Variants in FGF11 observed in about 807,000 individuals in gnomAD.
FGF11 encodes the protein fibroblast growth factor 11, also known as fibroblast growth factor homologous factor 3.
A neutral mutation model predicts 25.1 loss-of-function variants in FGF11; 25 were observed. The observed-to-expected ratio is 1.00, with a 90% CI of 0.73 to 1.39. FGF11 has a LOEUF of 1.39. FGF11 is among the 40% of genes most tolerant of loss of function. The probability of loss-of-function intolerance (pLI) is 0.00; values close to 1 mark genes in which losing one functional copy is unlikely to be tolerated. For missense variants in FGF11, 320 were observed against 311.0 expected, an observed-to-expected ratio of 1.03 and a Z score of -0.22; for synonymous variants, 130 against 128.9, an observed-to-expected ratio of 1.01 and a Z score of -0.06.
Position 7,443,275 on chromosome 17 carries a change from C to G in FGF11, c.*129C>G. 1.6e-6 allele frequency: 1 copy of G among 633,358 alleles called. No individual in the cohort carries two copies. Among genetic ancestry groups the G allele is most frequent in the Non-Finnish European group, 2.8e-6 (1 of 360,746 alleles). The allele number at this position is 633,358 out of a possible 1,614,324, so 39.2% of individuals were successfully genotyped here. ...CTGAGCAGCCAGGTCCCACTAGGTG[C>G]TCTACCCTGAGGGAGCCTAGGGGCT... On this transcript the variant is annotated 3_prime_UTR_variant, in exon 5 of 5. Coordinates refer to ENST00000293829, the MANE Select transcript of FGF11 (RefSeq NM_004112.4).
chr17:7,439,740 G>A lies in FGF11; in HGVS notation c.120G>A (p.Gln40=). The A allele has an allele frequency of 6.4e-7, 1 of 1,573,192 alleles. No individual in the cohort carries two copies. The highest frequency in any genetic ancestry group is 8.6e-7 in the Non-Finnish European group (1 of 1,164,254). ...CCCGCGGCACCAAGTCCCTTTGCCA[G>A]AAGCAGCTCCTCATCCTGCTGTCCA... The part of the protein sequence containing the change: ...VCPRGTKSLC[Q]KQLLILLSKV... The change falls in exon 1 of 5, where the codon CAG becomes CAA. Residue 40 remains glutamine (Q), a synonymous_variant. Transcript: ENST00000293829.
At position 7,440,839 on chromosome 17, in the gene FGF11, C is replaced by T. The variant is rs530293814; in HGVS notation, c.194-632C>T. On this transcript the variant is annotated intron_variant, in intron 1 of 4. Transcript: ENST00000293829. This position sits in a 1 kb window ranked among gnomAD's most constrained non-coding sequence, Gnocchi z 5.4. ...TTGGTAAGGTCCCCCTTACCCCAGG[C>T]GAGTTACCTGGCCGAAGGGGAGAGG... 2.0e-6 allele frequency: 2 copies of T among 988,562 alleles called. No individual in the cohort carries two copies. Among genetic ancestry groups the T allele is most frequent in the South Asian group, 4.6e-5 (1 of 21,604 alleles). The allele number at this position is 988,562 out of a possible 1,614,324, so 61.2% of individuals were successfully genotyped here.
At position 7,444,814 on chromosome 17, in the gene FGF11, G is replaced by A. The variant is rs1046870; in HGVS notation, c.*1668G>A. 1 of 510,584 alleles carries A rather than the reference G, an allele frequency of 2.0e-6. No homozygotes were observed. Among genetic ancestry groups the A allele is most frequent in the African/African-American group, 1.9e-5 (1 of 52,140 alleles). The allele number at this position is 510,584 out of a possible 1,614,324, so 31.6% of individuals were successfully genotyped here. On this transcript the variant is annotated 3_prime_UTR_variant, in exon 5 of 5. Transcript: ENST00000293829. ...CTGTTCTACTTCTGGCTTGTTGCAA[G>A]AGGAGTAGATGCCCCCTCACCCACA...
Position 7,442,617 on chromosome 17 carries a change from C to A in FGF11, c.432C>A (p.Arg144=), listed in dbSNP as rs199749763. The A allele has an allele frequency of 8.4e-5, 136 of 1,614,224 alleles. 2 individuals carry two copies. In the South Asian group the frequency reaches 1.4e-3, roughly 16 times the overall value. The change falls in exon 4 of 5, where the codon CGC becomes CGA. Residue 144 remains arginine, a synonymous_variant. Transcript: ENST00000293829. ...YSSPHFTAEC[R]FKECVFENYY... ...AGCCGCATTTCACAGCTGAGTGTCG[C>A]TTTAAGGAGTGTGTCTTTGAGAATT...
At chr17:7,442,857 G>A (rs946933584) in intron 4 of FGF11, 65 bp downstream of exon 4, 1 of 1,496,188 alleles carries the variant, frequency 6.7e-7, no homozygotes, top group Non-Finnish European at 9.3e-7. Context: ...TGGACATTTA[G>A]GGGCAGACAG....
upstream of FGF11, chr17:7,439,237 T>G: frequency 5.9e-6 from 1 of 170,674 alleles, no homozygotes. Context: ...CAAAATACAG[T>G]GGAAAGGTGC....
In FGF11 at chr17:7,439,737, C is replaced by T. The variant is rs766044761; in HGVS notation, c.117C>T (p.Cys39=). The change falls in exon 1 of 5, where the codon TGC becomes TGT. Residue 39 remains cysteine, a synonymous_variant. Coordinates refer to ENST00000293829, the MANE Select transcript of FGF11 (RefSeq NM_004112.4). ...GTCCCCGCGGCACCAAGTCCCTTTG[C>T]CAGAAGCAGCTCCTCATCCTGCTGT... ...RVCPRGTKSL[C]QKQLLILLSK... is the part of the protein sequence containing the mutation. 1 of 1,573,064 alleles carries T rather than the reference C, an allele frequency of 6.4e-7. No homozygotes were observed. The highest frequency in any genetic ancestry group is 1.4e-5 in the African/African-American group (1 of 71,492).
At chr17:7,442,025 C>T in intron 3 of FGF11, 146 bp downstream of exon 3, 1 of 625,260 alleles carries the variant, frequency 1.6e-6, no homozygotes. Context: ...GTCATCGCTG[C>T]CCATTCCAGA....
chr17:7,439,320 A>C, upstream of FGF11: 1 of 300,790 alleles, frequency 3.3e-6, no homozygotes, highest in South Asian at 1.1e-4. Flanking sequence ...GAGGACAGAC[A>C]CTGGAGAGGA....
At chr17:7,439,379 A>G, upstream of FGF11, 1 of 389,578 alleles carries the variant, frequency 2.6e-6, no homozygotes, top group East Asian at 3.9e-5. Flanking sequence ...GGTGGGATCC[A>G]CTGAGGAGTA....
chr17:7,442,817 G>A lies in FGF11; in HGVS notation c.607+25G>A, dbSNP rs141323541. 4.2e-5 allele frequency: 67 copies of A among 1,610,664 alleles called. 1 individual carries two copies. The African/African-American group carries it at 7.1e-4, about 17-fold the overall frequency. On this transcript the variant is annotated intron_variant, in intron 4 of 4. Coordinates refer to ENST00000293829, the MANE Select transcript of FGF11 (RefSeq NM_004112.4). ...GGTGGGTATAGACTCAAGAAAATGT[G>A]GGCCACAGGAGAGGGTATTGACCTT...
rs1406399849 is a variant in FGF11, at chr17:7,442,599, T to C, written c.414T>C (p.His138=). ...NAEGLLYSSP[H]FTAECRFKEC... The stretch of plus-strand genomic sequence containing the variant: ...CTGGGTCTTTGTCTCCTTAGCCGCA[T>C]TTCACAGCTGAGTGTCGCTTTAAGG... Residue 138 remains histidine (H), a synonymous_variant, in exon 4 of 5, where the codon CAT becomes CAC. Coordinates refer to ENST00000293829, the MANE Select transcript of FGF11 (RefSeq NM_004112.4). The C allele has an allele frequency of 2.5e-6, 4 of 1,614,216 alleles. 1 individual carries two copies. The South Asian group carries it at 4.4e-5, about 18-fold the overall frequency.
At chr17:7,439,221 G>A (rs1190483443), upstream of FGF11, 2 of 168,894 alleles carry the variant, frequency 1.2e-5, no homozygotes, top group African/African-American at 2.4e-5. Context: ...TGGCAGGAGT[G>A]TGCCCCAAAA....
Position 7,440,947 on chromosome 17 carries a change from A to T in FGF11, c.194-524A>T. 1.0e-6 allele frequency: 1 copy of T among 1,001,982 alleles called. No individual in the cohort carries two copies. The highest frequency in any genetic ancestry group is 4.2e-5 in the South Asian group (1 of 23,992). The allele number at this position is 1,001,982 out of a possible 1,614,324, so 62.1% of individuals were successfully genotyped here. On this transcript the variant is annotated intron_variant, in intron 1 of 4. Transcript: ENST00000293829. The surrounding 1 kb of genome is among the most constrained non-coding windows in gnomAD (Gnocchi z 5.4). ...AGACAGACAGATGGGTCAGTGTCAGACAGGCCGGCGCTGGGCCAAGGCAAG... is the reference window on the plus strand; with the variant it reads ...AGACAGACAGATGGGTCAGTGTCAGTCAGGCCGGCGCTGGGCCAAGGCAAG...
chr17:7,441,486 G>C lies in FGF11; in HGVS notation c.209G>C (p.Gly70Ala). 1 of 1,614,066 alleles carries C rather than the reference G, an allele frequency of 6.2e-7. No individual in the cohort carries two copies. Among genetic ancestry groups the C allele is most frequent in the Non-Finnish European group, 8.5e-7 (1 of 1,180,006 alleles). ...PDRGPEPQLKGIVTKLFCRQG... is the reference protein window; with the variant it reads ...PDRGPEPQLKAIVTKLFCRQG... Reference sequence around the variant, plus strand: ...CTCTCTCCAGAGCCTCAGCTCAAAGGCATCGTCACCAAACTGTTCTGCCGC... The same window carrying C: ...CTCTCTCCAGAGCCTCAGCTCAAAGCCATCGTCACCAAACTGTTCTGCCGC... Residue 70 changes from glycine (G) to alanine (A), a missense_variant, in exon 2 of 5, where the codon GGC (glycine) becomes GCC (alanine). Coordinates refer to ENST00000293829, the MANE Select transcript of FGF11 (RefSeq NM_004112.4).
At chr17:7,442,265 G>GTT in intron 3 of FGF11, 1 of 366,338 alleles carries the variant, frequency 2.7e-6, no homozygotes, top group Non-Finnish European at 4.8e-6. Flanking sequence ...TAAAAGTCTA[G>GTT]TTCTTTTTTT....
At chr17:7,438,577 C>A, upstream of FGF11, 1 of 152,870 alleles carries the variant, frequency 6.5e-6, no homozygotes, top group Non-Finnish European at 1.5e-5. Flanking sequence ...TAGGCAATCC[C>A]GGGGAGGACG....
At chr17:7,441,238 T>A (rs1441598044) in intron 1 of FGF11, 1 of 515,460 alleles carries the variant, frequency 1.9e-6, no homozygotes, top group African/African-American at 1.9e-5. Context: ...TTAAATAAAT[T>A]TCAATAAATT....
rs769528132 is a variant in FGF11, at chr17:7,441,595, C to A, written c.304+14C>A. On this transcript the variant is annotated intron_variant, in intron 2 of 4. Transcript: ENST00000293829. Reference sequence around the variant, plus strand: ...CCAGCTCCTTCAGTGAGAGGGGAAGCTGGCTGCAGGGTGGGAAGGGGGAGA... The same window carrying A: ...CCAGCTCCTTCAGTGAGAGGGGAAGATGGCTGCAGGGTGGGAAGGGGGAGA... 16 of 1,614,062 alleles carry A rather than the reference C, an allele frequency of 9.9e-6. No individual in the cohort carries two copies. The highest frequency in any genetic ancestry group is 1.4e-5 in the Non-Finnish European group (16 of 1,179,974).
Sources: gnomAD v4.1 joint callset for allele counts on GRCh38, gnomAD v4.1.1 for gene constraint, Gnocchi (gnomAD v3.1) non-coding constraint, MANE v1.5 for transcripts, NCBI Gene and HGNC (gene_info 2026-07-23, HGNC 2026-07-21) for gene names.